Variants in OPRD1 observed in about 807,000 individuals in gnomAD.
The protein encoded by OPRD1 is delta-type opioid receptor.
OPRD1 carries 19 observed loss-of-function variants against 17.5 expected under a neutral mutation model. That is an observed-to-expected ratio of 1.09 (90% CI 0.76 to 1.60). The LOEUF (loss-of-function observed/expected upper bound fraction) is 1.60. Ranked by LOEUF, OPRD1 falls within the 40% of genes most tolerant of loss-of-function variation. The pLI is 0.00. For missense variants in OPRD1, 483 were observed against 547.2 expected (o/e 0.88, Z 1.17); for synonymous variants, 256 against 240.9 (o/e 1.06, Z -0.58).
rs1314515421 is a variant in OPRD1, at chr1:28,870,660, A to T, written c.*7377A>T. The T allele has an allele frequency of 2.0e-5, 3 of 152,234 alleles. No individual in the cohort carries two copies. Among genetic ancestry groups the T allele is most frequent in the African/African-American group, 4.8e-5 (2 of 41,444 alleles). 9.4% of individuals were successfully genotyped at this position (152,234 alleles called of 1,614,324 possible). ...GCTGGAAAGCAGTTCTTAAGAGGAC[A>T]TCTTTTCCCAAGCTCCTTAGCCTTA... On this transcript the variant is annotated 3_prime_UTR_variant, in exon 3 of 3. Coordinates refer to ENST00000234961, the MANE Select transcript of OPRD1 (RefSeq NM_000911.4).
chr1:28,833,493 T>C (rs999516988), intron 1 of OPRD1, among the ~76,000 whole-genome samples: 2 of 152,216 alleles, frequency 1.3e-5, no homozygotes, highest in East Asian at 1.9e-4. Flanking sequence ...GAGTTTCTTC[T>C]GAGAAATCTG....
chr1:28,824,365 A>G (rs1414043508), intron 1 of OPRD1, among the ~76,000 whole-genome samples: 3 of 129,612 alleles, frequency 2.3e-5, no homozygotes, highest in African/African-American at 5.9e-5. Flanking sequence ...CCCAGGTTGG[A>G]GTGCAGTGGC....
chr1:28,812,357 G>A lies in OPRD1; in HGVS notation c.-27G>A. ...CCGCGCCCAGGGCGCACGGTGGAGA[G>A]GGACGCGGCGGAGCCGGCCGGCAGC... On this transcript the variant is annotated 5_prime_UTR_variant, in exon 1 of 3. Coordinates refer to ENST00000234961, the MANE Select transcript of OPRD1 (RefSeq NM_000911.4). The A allele has an allele frequency of 7.4e-7, 1 of 1,348,960 alleles. No homozygotes were observed. Among genetic ancestry groups the A allele is most frequent in the Non-Finnish European group, 9.5e-7 (1 of 1,055,436 alleles). The allele number at this position is 1,348,960 out of a possible 1,614,324, so 83.6% of individuals were successfully genotyped here.
At chr1:28,828,220 TAGTA>T (rs1220892085) in intron 1 of OPRD1, among the ~76,000 whole-genome samples, 2 of 152,320 alleles carry the variant, frequency 1.3e-5, no homozygotes, top group South Asian at 2.1e-4. Flanking sequence ...GATGTTGTGT[TAGTA>T]AGCATGAAAA....
intron 2 of OPRD1, 145 bp from the exon 3 acceptor site, chr1:28,862,597 T>C (rs1182870204): frequency 6.8e-6 from 5 of 731,748 alleles, no homozygotes; most frequent in African/African-American, 5.3e-5. Context: ...AGGAGGACAC[T>C]CCAGACAGAA....
At chr1:28,832,574 G>A (rs1277045107) in intron 1 of OPRD1, among the ~76,000 whole-genome samples, 2 of 151,748 alleles carry the variant, frequency 1.3e-5, no homozygotes, top group Non-Finnish European at 2.9e-5. Flanking sequence ...CTGTGATTGC[G>A]CCACTGCACT....
intron 1 of OPRD1, among the ~76,000 whole-genome samples, chr1:28,853,204 C>A (rs764866616): frequency 4.7e-4 from 72 of 152,212 alleles, no homozygotes; most frequent in Non-Finnish European, 8.1e-4. Context: ...ATTTCTCAAC[C>A]CCTTGCAGTT....
At chr1:28,857,079 T>G (rs1481341185) in intron 1 of OPRD1, among the ~76,000 whole-genome samples, 1 of 151,990 alleles carries the variant, frequency 6.6e-6, no homozygotes, top group Non-Finnish European at 1.5e-5. Context: ...CCAATCATAC[T>G]CCCCAAAGGC....
chr1:28,862,356 T>C (rs2089131171), intron 2 of OPRD1, among the ~76,000 whole-genome samples: 1 of 152,176 alleles, frequency 6.6e-6, no homozygotes, highest in Admixed American at 6.5e-5. Context: ...GCTCATGTTG[T>C]CTGTCTTAGC....
At chr1:28,846,854 C>CTTTCTTTCT (rs2088953406) in intron 1 of OPRD1, among the ~76,000 whole-genome samples, 26 of 54,238 alleles carry the variant, frequency 4.8e-4, no homozygotes, top group African/African-American at 1.5e-3. Flanking sequence ...TCTTTTCTTT[C>CTTTCTTTCT]TTTCTTTCTT....
rs145407660 is a variant in OPRD1 at position 28,842,737 on chromosome 1, C to A, written c.228-16217C>A. ...CAGCCAGAGCTTTCCAGTCCCTACCCCCTGATTGGATCCAAAGGGTGATGA... is the reference window on the plus strand; with the variant it reads ...CAGCCAGAGCTTTCCAGTCCCTACCACCTGATTGGATCCAAAGGGTGATGA... On this transcript the variant is annotated intron_variant, in intron 1 of 2. Transcript: ENST00000234961. Among the ~76,000 whole-genome samples the A allele has an allele frequency of 2.2e-3, 329 of 152,146 alleles. 1 individual carries two copies. The highest frequency in any genetic ancestry group is 7.5e-3 in the African/African-American group (310 of 41,502).
chr1:28,812,529 C>T lies in OPRD1; in HGVS notation c.146C>T (p.Ala49Val). The T allele has an allele frequency of 6.3e-7, 1 of 1,582,378 alleles. No individual in the cohort carries two copies. The highest frequency in any genetic ancestry group is 1.1e-5 in the South Asian group (1 of 87,872). The change falls in exon 1 of 3, where the codon GCA becomes GTA. Residue 49 changes from alanine to valine, a missense_variant. Physicochemically the swap from Ala to Val is moderately conservative, Grantham distance 64. Transcript: ENST00000234961. ...GARSASSLAL[A>V]IAITALYSAV... ...CGGAGCGCCTCGTCCCTCGCCCTGG[C>T]AATCGCCATCACCGCGCTCTACTCG... is the stretch of plus-strand genomic sequence containing the variant.
chr1:28,813,053 G>A (rs2088645801), intron 1 of OPRD1, among the ~76,000 whole-genome samples: 1 of 152,210 alleles, frequency 6.6e-6, no homozygotes, highest in East Asian at 1.9e-4. Context: ...CGTGCAGGCA[G>A]GGCGGACAGG....
rs576479995 is a variant in OPRD1 at position 28,862,676 on chromosome 1, A to C, written c.578-66A>C. The C allele has an allele frequency of 2.6e-5, 38 of 1,481,704 alleles. No individual in the cohort carries two copies. In the Admixed American group the frequency reaches 6.5e-4, roughly 25 times the overall value. 91.8% of individuals were successfully genotyped at this position (1,481,704 alleles called of 1,614,324 possible). A position where few individuals can be genotyped will look rare whatever the true frequency, so the allele number is the denominator to read the frequency against. ...CCAAGCCTTGAAAGGGTGGGCAAGCAGGTGGGGGCCCCTTAGGCACACAGG... is the reference window on the plus strand; with the variant it reads ...CCAAGCCTTGAAAGGGTGGGCAAGCCGGTGGGGGCCCCTTAGGCACACAGG... On this transcript the variant is annotated intron_variant, in intron 2 of 2. Transcript: ENST00000234961.
intron 1 of OPRD1, among the ~76,000 whole-genome samples, chr1:28,851,477 A>G (rs1192712743): frequency 6.6e-6 from 1 of 152,244 alleles, no homozygotes. Context: ...GAAGGCATAG[A>G]TCAAGACAGA....
At chr1:28,814,798 G>T (rs2088660686) in intron 1 of OPRD1, among the ~76,000 whole-genome samples, 2 of 152,204 alleles carry the variant, frequency 1.3e-5, no homozygotes, top group Admixed American at 1.3e-4. Flanking sequence ...GCCCCTAGGG[G>T]TCCCCATGTT....
chr1:28,831,402 A>C (rs1229513534), intron 1 of OPRD1, among the ~76,000 whole-genome samples: 1 of 152,222 alleles, frequency 6.6e-6, no homozygotes, highest in East Asian at 1.9e-4. Context: ...TCAGCTACTC[A>C]GAAGGCTGAG....
chr1:28,814,351 A>G (rs1206393130), intron 1 of OPRD1, among the ~76,000 whole-genome samples: 1 of 152,238 alleles, frequency 6.6e-6, no homozygotes, highest in Non-Finnish European at 1.5e-5. Flanking sequence ...GAGAGAGCAC[A>G]TAACGCACTG....
Position 28,812,327 on chromosome 1 carries a change from G to A in OPRD1, c.-57G>A, listed in dbSNP as rs546995384. 3,611 of 1,207,700 alleles carry A rather than the reference G, an allele frequency of 3.0e-3. 16 individuals carry two copies. The highest frequency in any genetic ancestry group is 2.9e-3 in the Non-Finnish European group (2,776 of 958,938). The allele number at this position is 1,207,700 out of a possible 1,614,324, so 74.8% of individuals were successfully genotyped here. On this transcript the variant is annotated 5_prime_UTR_variant, in exon 1 of 3. Transcript: ENST00000234961. ...CTGCCTTGCCGCTCCCCTCGCGTCGGATCCCCGCGCCCAGGGCGCACGGTG... is the reference window on the plus strand; with the variant it reads ...CTGCCTTGCCGCTCCCCTCGCGTCGAATCCCCGCGCCCAGGGCGCACGGTG...
Sources: allele counts gnomAD v4.1 joint callset (sites outside exome capture counted in the v4.1 genomes callset), GRCh38; gene constraint gnomAD v4.1.1; transcripts MANE v1.5; gene names NCBI Gene and HGNC (gene_info 2026-07-23, HGNC 2026-07-21).